GRID1: variants seen among roughly 807,000 people sequenced by gnomAD.
GRID1 encodes glutamate receptor ionotropic, delta-1.
In GRID1, 28 loss-of-function variants were observed where a neutral mutation model predicts 98.0. The observed-to-expected ratio is 0.29, with a 90% confidence interval of 0.21 to 0.39. GRID1 has a LOEUF of 0.39. GRID1 is among the 10% of genes least tolerant of loss of function. The probability of loss-of-function intolerance (pLI) is 1.00; values close to 1 mark genes in which losing one functional copy is unlikely to be tolerated. For synonymous variants in GRID1, 553 were observed against 538.5 expected (o/e 1.03, Z -0.37); for missense variants, 1,111 against 1,340.5 (o/e 0.83, Z 2.67).
chr10:85,869,041 T>A lies in GRID1; in HGVS notation c.920A>T (p.Asp307Val), dbSNP rs1843250497. 1 of 1,613,320 alleles carries A rather than the reference T, an allele frequency of 6.2e-7. No homozygotes were observed. The highest frequency in any genetic ancestry group is 8.5e-7 in the Non-Finnish European group (1 of 1,179,778). ...NNHRISSLLC[D>V]PQEGYLQMLQ... ...CATCTGGAGGTAGCCTTCCTGGGGGTCGCAGAGCAGGGAGGAGATGCGGTG... is the reference window on the plus strand; with the variant it reads ...CATCTGGAGGTAGCCTTCCTGGGGGACGCAGAGCAGGGAGGAGATGCGGTG... The change falls in exon 6 of 16, where the codon GAC becomes GTC. Residue 307 changes from aspartate (D) to valine (V), a missense_variant. Transcript: ENST00000327946.
intron 4 of GRID1, among the ~76,000 whole-genome samples, chr10:86,058,775 G>A (rs994047729): frequency 5.3e-5 from 8 of 152,212 alleles, no homozygotes; most frequent in East Asian, 1.9e-4. Flanking sequence ...TTGAGCACCC[G>A]CTGTGTGTCT....
At position 86,108,528 on chromosome 10, in the gene GRID1, CAT is replaced by C. The variant is rs1265974717; in HGVS notation, c.726+30289_726+30290del. Among the ~76,000 whole-genome samples the C allele has an allele frequency of 3.3e-5, 5 of 152,310 alleles. No individual in the cohort carries two copies. In the East Asian group the frequency reaches 5.8e-4, roughly 18 times the overall value. On this transcript the variant is annotated intron_variant, in intron 4 of 15. Transcript: ENST00000327946. ...ATGCACATACACATGCACACCCACA[CAT>C]GTGCACACAGACATGTATACACAAT...
chr10:85,896,600 G>A (rs907995859), intron 5 of GRID1, among the ~76,000 whole-genome samples: 2 of 152,304 alleles, frequency 1.3e-5, no homozygotes, highest in East Asian at 3.9e-4. Context: ...TCACAAAATA[G>A]AAGTAGACGT....
intron 4 of GRID1, among the ~76,000 whole-genome samples, chr10:86,037,015 AAT>A (rs1359965571): frequency 6.6e-6 from 1 of 152,234 alleles, no homozygotes; most frequent in Non-Finnish European, 1.5e-5. Flanking sequence ...TTGCTTAGAG[AAT>A]ATATGTCACA....
At chr10:85,769,608 G>A (rs974050164) in intron 8 of GRID1, among the ~76,000 whole-genome samples, 2 of 152,182 alleles carry the variant, frequency 1.3e-5, no homozygotes, top group Non-Finnish European at 2.9e-5. Flanking sequence ...GGGAAATCGG[G>A]TCACACCCAC....
At chr10:85,959,776 T>C (rs900008055) in intron 4 of GRID1, among the ~76,000 whole-genome samples, 3 of 152,254 alleles carry the variant, frequency 2.0e-5, no homozygotes, top group African/African-American at 7.2e-5. Flanking sequence ...TCTATTCACC[T>C]GTCAATGAAC....
At chr10:85,788,074 A>G (rs1842446088) in intron 8 of GRID1, among the ~76,000 whole-genome samples, 2 of 152,018 alleles carry the variant, frequency 1.3e-5, no homozygotes, top group Admixed American at 1.3e-4. Flanking sequence ...AAGAAAAGAA[A>G]AGAAAAAGAA....
chr10:86,037,757 A>G (rs1342088591), intron 4 of GRID1, among the ~76,000 whole-genome samples: 1 of 152,116 alleles, frequency 6.6e-6, no homozygotes, highest in African/African-American at 2.4e-5. Context: ...GCTATAGTCA[A>G]TGGTGTGTTG....
intron 4 of GRID1, among the ~76,000 whole-genome samples, chr10:85,979,153 A>C (rs897825301): frequency 6.6e-6 from 1 of 152,132 alleles, no homozygotes; most frequent in Non-Finnish European, 1.5e-5. Flanking sequence ...TTGTGAGTGC[A>C]CAGAGGAAAG....
intron 2 of GRID1, among the ~76,000 whole-genome samples, chr10:86,333,646 C>A (rs1299064745): frequency 1.3e-5 from 2 of 152,258 alleles, no homozygotes. Flanking sequence ...GGAAGCCTTA[C>A]TGATACCATA....
At chr10:86,219,162 G>T (rs1272682711) in intron 2 of GRID1, among the ~76,000 whole-genome samples, 1 of 152,240 alleles carries the variant, frequency 6.6e-6, no homozygotes, top group Non-Finnish European at 1.5e-5. Flanking sequence ...CCTGTCACCT[G>T]GTGGGGACCA....
At chr10:86,270,677 G>A (rs909649822) in intron 2 of GRID1, among the ~76,000 whole-genome samples, 9 of 152,164 alleles carry the variant, frequency 5.9e-5, no homozygotes, top group Admixed American at 3.3e-4. Flanking sequence ...GCAATAGAGC[G>A]AGACTCCGTC....
intron 4 of GRID1, among the ~76,000 whole-genome samples, chr10:85,982,342 T>G (rs745557198): frequency 6.6e-6 from 1 of 152,114 alleles, no homozygotes; most frequent in Admixed American, 6.5e-5. Context: ...AAAAAAACTT[T>G]GGATTTTATT....
In GRID1 at chr10:85,699,404, A is replaced by G. The variant is rs192479455; in HGVS notation, c.1997+23599T>C. 8.2e-4 allele frequency among the ~76,000 whole-genome samples: 125 copies of G among 152,242 alleles called. 1 individual carries two copies. The East Asian group carries it at 0.022, about 26-fold the overall frequency. On this transcript the variant is annotated intron_variant, in intron 12 of 15. Transcript: ENST00000327946. ...TGTATATGTTGGATAACAGTCATTT[A>G]TCTTACATGTGTTTTGCAAAGATTT...
At position 85,932,187 on chromosome 10, in the gene GRID1, CT is replaced by C. The variant is rs1158025867; in HGVS notation, c.727-15949del. 5.9e-5 allele frequency among the ~76,000 whole-genome samples: 9 copies of C among 152,290 alleles called. 1 individual carries two copies. The highest frequency in any genetic ancestry group is 2.2e-4 in the African/African-American group (9 of 41,572). ...CACTAACACTGTAACATCCTTGCAT[CT>C]GCTACATCAGTTACCCTTCTTCCAT... On this transcript the variant is annotated intron_variant, in intron 4 of 15. Transcript: ENST00000327946.
At chr10:86,245,296 T>TG (rs1846705570) in intron 2 of GRID1, among the ~76,000 whole-genome samples, 4 of 152,222 alleles carry the variant, frequency 2.6e-5, no homozygotes, top group African/African-American at 9.6e-5. Context: ...GCCAGTGGCC[T>TG]GGGGAAGTTA....
At chr10:85,865,373 A>G (rs890035572) in intron 6 of GRID1, among the ~76,000 whole-genome samples, 1 of 152,198 alleles carries the variant, frequency 6.6e-6, no homozygotes, top group African/African-American at 2.4e-5. Flanking sequence ...AGCCCTGACC[A>G]CAAGCCTCAT....
chr10:86,040,452 C>T (rs766209242), intron 4 of GRID1, among the ~76,000 whole-genome samples: 4 of 143,236 alleles, frequency 2.8e-5, no homozygotes, highest in Non-Finnish European at 4.5e-5. Context: ...TGAGTCATTA[C>T]GTTAAGGGAA....
chr10:85,874,211 AGT>A (rs1302255651), intron 5 of GRID1, among the ~76,000 whole-genome samples: 1 of 152,178 alleles, frequency 6.6e-6, no homozygotes, highest in Admixed American at 6.5e-5. Flanking sequence ...AAATATGTAA[AGT>A]GTAAAATAAA....
Sources: allele counts gnomAD v4.1 joint callset (sites outside exome capture counted in the v4.1 genomes callset), GRCh38; gene constraint gnomAD v4.1.1; transcripts MANE v1.5; gene names NCBI Gene and HGNC (gene_info 2026-07-23, HGNC 2026-07-21).